Variants in LYZL4 observed in about 807,000 individuals in gnomAD.
LYZL4 encodes lysozyme-like protein 4.
In LYZL4, 13 loss-of-function variants were observed where a neutral mutation model predicts 17.6. The observed-to-expected ratio is 0.74, with a 90% confidence interval of 0.48 to 1.18. The LOEUF (loss-of-function observed/expected upper bound fraction) is 1.18, where lower values mean the gene tolerates loss of function less well. Ranked by LOEUF, LYZL4 falls within the 50% of genes most tolerant of loss-of-function variation. The probability of loss-of-function intolerance (pLI) is 0.00; values close to 1 mark genes in which losing one functional copy is unlikely to be tolerated. For synonymous variants in LYZL4, 64 were observed against 67.7 expected, an observed-to-expected ratio of 0.95 and a Z score of 0.27; for missense variants, 174 against 188.2, an observed-to-expected ratio of 0.92 and a Z score of 0.44.
the LYZL4 span, among the ~76,000 whole-genome samples, chr3:42,375,109 C>T: frequency 2.0e-5 from 3 of 152,088 alleles, no homozygotes; most frequent in Non-Finnish European, 4.4e-5. Flanking sequence ...CTGTACCTGG[C>T]CTAGTATCTG....
At chr3:42,401,385 ATT>A (rs964398862) in intron 4 of LYZL4, among the ~76,000 whole-genome samples, 3 of 147,820 alleles carry the variant, frequency 2.0e-5, no homozygotes, top group East Asian at 3.9e-4. Context: ...TAATTTTTGC[ATT>A]TTTTTTTTAG....
rs760861885 is a variant in LYZL4 at position 42,407,290 on chromosome 3, A to G, written c.-39T>C. 3.7e-6 allele frequency: 6 copies of G among 1,612,702 alleles called. No individual in the cohort carries two copies. Among genetic ancestry groups the G allele is most frequent in the Non-Finnish European group, 5.1e-6 (6 of 1,179,484 alleles). The stretch of plus-strand genomic sequence containing the variant: ...CTGGCAGGTCAGGGCAACGGTGGCC[A>G]GATGAGTGGGTGGAGTCACAGGGAC... On this transcript the variant is annotated 5_prime_UTR_variant, in exon 2 of 5. Coordinates refer to ENST00000287748, the MANE Select transcript of LYZL4 (RefSeq NM_144634.4).
At chr3:42,391,042 A>T in the LYZL4 span, among the ~76,000 whole-genome samples, 1 of 152,174 alleles carries the variant, frequency 6.6e-6, no homozygotes, top group Non-Finnish European at 1.5e-5. Flanking sequence ...GATGTTTGAC[A>T]TACGTACCCA....
chr3:42,391,780 A>G, the LYZL4 span, among the ~76,000 whole-genome samples: 1 of 152,082 alleles, frequency 6.6e-6, no homozygotes, highest in Non-Finnish European at 1.5e-5. Context: ...GCCGAGAGAG[A>G]TTGCCTTAAG....
At chr3:42,409,016 T>C (rs1380406753) in intron 1 of LYZL4, among the ~76,000 whole-genome samples, 1 of 152,214 alleles carries the variant, frequency 6.6e-6, no homozygotes, top group Admixed American at 6.5e-5. Flanking sequence ...GTTCAAACTC[T>C]CAAGCTGTAT....
At chr3:42,401,466 T>G (rs1314232041) in intron 4 of LYZL4, among the ~76,000 whole-genome samples, 2 of 152,096 alleles carry the variant, frequency 1.3e-5, no homozygotes, top group Non-Finnish European at 2.9e-5. Flanking sequence ...TGCACCCACC[T>G]CAGCCTCCCA....
intron 3 of LYZL4, 151 bp downstream of exon 3, chr3:42,406,695 G>T: frequency 1.1e-6 from 1 of 911,082 alleles, no homozygotes; most frequent in Non-Finnish European, 1.7e-6. Flanking sequence ...GCAGTGCAAT[G>T]CTCAGCCTCC....
At chr3:42,387,676 G>A in the LYZL4 span, among the ~76,000 whole-genome samples, 5 of 152,226 alleles carry the variant, frequency 3.3e-5, no homozygotes, top group South Asian at 1.0e-3. Context: ...GAACAAAAGA[G>A]AAAGGAAGAG....
At chr3:42,401,517 C>T (rs1053720591) in intron 4 of LYZL4, among the ~76,000 whole-genome samples, 1 of 152,066 alleles carries the variant, frequency 6.6e-6, no homozygotes, top group African/African-American at 2.4e-5. Context: ...GCTCCCAGCA[C>T]ATCATAATAA....
intron 4 of LYZL4, among the ~76,000 whole-genome samples, chr3:42,399,283 G>A (rs1381801950): frequency 6.6e-6 from 1 of 152,176 alleles, no homozygotes; most frequent in Non-Finnish European, 1.5e-5. Context: ...TCTCTCCAAC[G>A]TTTAAATGCA....
intron 4 of LYZL4, among the ~76,000 whole-genome samples, chr3:42,398,633 A>C (rs1038319398): frequency 6.6e-6 from 1 of 152,210 alleles, no homozygotes; most frequent in Non-Finnish European, 1.5e-5. Context: ...TTTTATACCA[A>C]AATAAATTCC....
chr3:42,379,924 C>T, the LYZL4 span, among the ~76,000 whole-genome samples: 1 of 152,182 alleles, frequency 6.6e-6, no homozygotes, highest in Admixed American at 6.5e-5. Flanking sequence ...GAAGGAAACA[C>T]AGGATCTCTC....
intron 4 of LYZL4, among the ~76,000 whole-genome samples, chr3:42,401,371 C>T (rs926879130): frequency 6.6e-5 from 10 of 151,834 alleles, no homozygotes; most frequent in Admixed American, 5.2e-4. Flanking sequence ...CCACCACGCC[C>T]GGCTAATTTT....
the LYZL4 span, among the ~76,000 whole-genome samples, chr3:42,361,586 T>G: frequency 4.8e-4 from 73 of 152,058 alleles, no homozygotes; most frequent in African/African-American, 1.6e-3. Flanking sequence ...TTTTTTTAGC[T>G]GGGTGTGGTG....
the LYZL4 span, among the ~76,000 whole-genome samples, chr3:42,385,457 G>A: frequency 6.6e-6 from 1 of 152,204 alleles, no homozygotes; most frequent in Non-Finnish European, 1.5e-5. Context: ...TGTAGCCTAG[G>A]TGCATAGTAG....
the LYZL4 span, among the ~76,000 whole-genome samples, chr3:42,391,937 C>T: frequency 5.3e-5 from 8 of 151,318 alleles, no homozygotes; most frequent in African/African-American, 1.9e-4. Flanking sequence ...TGCAGTGGTG[C>T]GATCTCACTA....
the LYZL4 span, among the ~76,000 whole-genome samples, chr3:42,368,326 T>C: frequency 2.0e-5 from 3 of 152,192 alleles, no homozygotes; most frequent in African/African-American, 7.2e-5. Flanking sequence ...TGGGTTTTTA[T>C]TTGGTGGGGC....
At chr3:42,374,509 C>A in the LYZL4 span, among the ~76,000 whole-genome samples, 1 of 152,184 alleles carries the variant, frequency 6.6e-6, no homozygotes, top group Non-Finnish European at 1.5e-5. Flanking sequence ...TCATGCCAAC[C>A]AACTGTCGAG....
At chr3:42,380,029 C>T in the LYZL4 span, among the ~76,000 whole-genome samples, 1 of 152,200 alleles carries the variant, frequency 6.6e-6, no homozygotes. Context: ...TGGGCAACTG[C>T]AGAAGACAGC....
Sources: allele counts gnomAD v4.1 joint callset (sites outside exome capture counted in the v4.1 genomes callset), GRCh38; gene constraint gnomAD v4.1.1; transcripts MANE v1.5; gene names NCBI Gene and HGNC (gene_info 2026-07-23, HGNC 2026-07-21).